Variants in PIEZO2 observed in about 807,000 individuals in gnomAD.
The protein encoded by PIEZO2 is piezo-type mechanosensitive ion channel component 2.
A neutral mutation model predicts 337.3 loss-of-function variants in PIEZO2; 172 were observed. That is an observed-to-expected ratio of 0.51 (90% CI 0.45 to 0.58). The LOEUF (loss-of-function observed/expected upper bound fraction) is 0.58, where lower values mean the gene tolerates loss of function less well. PIEZO2 is among the 20% of genes least tolerant of loss of function. PIEZO2 has a pLI of 0.00. For missense variants in PIEZO2, 3,028 were observed against 3,391.3 expected, an observed-to-expected ratio of 0.89 and a Z score of 2.66; for synonymous variants, 1,251 against 1,228.5, an observed-to-expected ratio of 1.02 and a Z score of -0.38.
At position 10,707,485 on chromosome 18, in the gene PIEZO2, T is replaced by C. The variant is rs886333104; in HGVS notation, c.5588+790A>G. Among the ~76,000 whole-genome samples, 3 of 152,070 alleles carry C rather than the reference T, an allele frequency of 2.0e-5. No homozygotes were observed. The highest frequency in any genetic ancestry group is 4.4e-5 in the Non-Finnish European group (3 of 68,016). On this transcript the variant is annotated intron_variant, in intron 40 of 55. Transcript: ENST00000674853. This position sits in a 1 kb window ranked among gnomAD's most constrained non-coding sequence, Gnocchi z 4.2. ...GAAGATGCCCTCTGACTTGCCACCATGAGCAGTCAAAACGAAACTTGTCTT... is the reference window on the plus strand; with the variant it reads ...GAAGATGCCCTCTGACTTGCCACCACGAGCAGTCAAAACGAAACTTGTCTT...
chr18:10,722,862 G>A (rs1434466146), intron 36 of PIEZO2, among the ~76,000 whole-genome samples: 2 of 151,876 alleles, frequency 1.3e-5, no homozygotes, highest in Non-Finnish European at 2.9e-5. Flanking sequence ...AAGAGGTCAG[G>A]AAGGTAAGAA....
rs1248425077 is a variant in PIEZO2 at position 10,726,043 on chromosome 18, G to C, written c.5029+5364C>G. Among the ~76,000 whole-genome samples the C allele has an allele frequency of 1.3e-5, 2 of 152,202 alleles. No homozygotes were observed. The highest frequency in any genetic ancestry group is 2.9e-5 in the Non-Finnish European group (2 of 68,036). ...ATAATATGGGCACCCAGGATGTTGG[G>C]CAGGGTGGTATATGTATTCTTGTGT... On this transcript the variant is annotated intron_variant, in intron 36 of 55. Transcript: ENST00000674853. This position sits in a 1 kb window ranked among gnomAD's most constrained non-coding sequence, Gnocchi z 5.9.
intron 11 of PIEZO2, among the ~76,000 whole-genome samples, chr18:10,799,045 C>G (rs977326751): frequency 2.0e-5 from 3 of 152,124 alleles, no homozygotes; most frequent in Admixed American, 2.0e-4. Flanking sequence ...TATGACTAAC[C>G]AGTTGTACAG....
chr18:11,139,056 C>T (rs2040566596), intron 1 of PIEZO2, among the ~76,000 whole-genome samples: 1 of 152,182 alleles, frequency 6.6e-6, no homozygotes, highest in Non-Finnish European at 1.5e-5. Context: ...TGCCTAACTT[C>T]TGTATCTGGA....
At chr18:10,735,402 G>C (rs2036956556) in intron 34 of PIEZO2, among the ~76,000 whole-genome samples, 72 bp from the exon 35 acceptor site, 2 of 152,122 alleles carry the variant, frequency 1.3e-5, no homozygotes, top group Admixed American at 6.5e-5. Context: ...TATGATGTCA[G>C]CATGAATTTG....
At chr18:11,020,963 A>C (rs2036289328) in intron 2 of PIEZO2, among the ~76,000 whole-genome samples, 1 of 152,224 alleles carries the variant, frequency 6.6e-6, no homozygotes, top group Non-Finnish European at 1.5e-5. Context: ...AGAAAGTGAA[A>C]GGTACAAAAA....
intron 4 of PIEZO2, among the ~76,000 whole-genome samples, chr18:10,876,808 C>T (rs962551680): frequency 6.6e-6 from 1 of 152,152 alleles, no homozygotes; most frequent in African/African-American, 2.4e-5. Flanking sequence ...TCCCCTTGCC[C>T]ATCATCCACC....
In PIEZO2 at chr18:10,672,901, T is replaced by A. The variant is rs761958837; in HGVS notation, c.8162-28A>T. On this transcript the variant is annotated intron_variant, in intron 54 of 55. Coordinates refer to ENST00000674853, the MANE Select transcript of PIEZO2 (RefSeq NM_001378183.1). This position sits in a 1 kb window ranked among gnomAD's most constrained non-coding sequence, Gnocchi z 4.7. ...AGAAGGGTAGAAATGCAAAATTAAGTTGACATGAGAATTTTAGGATTTCAT... is the reference window on the plus strand; with the variant it reads ...AGAAGGGTAGAAATGCAAAATTAAGATGACATGAGAATTTTAGGATTTCAT... The A allele has an allele frequency of 6.4e-7, 1 of 1,554,194 alleles. No homozygotes were observed. The highest frequency in any genetic ancestry group is 8.8e-7 in the Non-Finnish European group (1 of 1,140,556).
At chr18:10,730,033 TA>T (rs1306219609) in intron 36 of PIEZO2, among the ~76,000 whole-genome samples, 1 of 152,230 alleles carries the variant, frequency 6.6e-6, no homozygotes, top group Non-Finnish European at 1.5e-5. Context: ...TTTTTGTTAT[TA>T]ACAAATAGCA....
rs995447565 is a variant in PIEZO2, at chr18:10,742,521, G to T, written c.4609C>A (p.Gln1537Lys). 9 of 1,536,948 alleles carry T rather than the reference G, an allele frequency of 5.9e-6. No homozygotes were observed. In the African/African-American group the frequency reaches 1.2e-4, roughly 21 times the overall value. ...TQEPGEGQDM[Q>K]KLSEEDDERE... ...TCATCATCCTCTTCAGAGAGTTTTT[G>T]CATGTCCTGGCCTTCCCCTGGCTCC... Residue 1537 changes from glutamine to lysine, a missense_variant, in exon 32 of 56, where the codon CAA becomes AAA. Gln to Lys is a moderately conservative substitution (Grantham distance 53). This residue lies in a region of PIEZO2 where 1,925 missense variants were observed against 2,051.9 expected (regional missense o/e 0.94). Coordinates refer to ENST00000674853, the MANE Select transcript of PIEZO2 (RefSeq NM_001378183.1).
intron 3 of PIEZO2, among the ~76,000 whole-genome samples, chr18:10,920,387 A>C (rs1330976678): frequency 6.6e-6 from 1 of 152,166 alleles, no homozygotes; most frequent in Admixed American, 6.5e-5. Flanking sequence ...ACAGTTAGGG[A>C]CTGAAAATTC....
intron 1 of PIEZO2, among the ~76,000 whole-genome samples, chr18:11,133,808 GTA>G (rs145467043): frequency 1.3e-4 from 19 of 147,006 alleles, no homozygotes; most frequent in Non-Finnish European, 1.5e-4. Flanking sequence ...ATATATGTGT[GTA>G]TATATATATA....
chr18:10,949,955 C>A (rs1365331972), intron 3 of PIEZO2, among the ~76,000 whole-genome samples: 2 of 152,126 alleles, frequency 1.3e-5, no homozygotes, highest in Non-Finnish European at 2.9e-5. Flanking sequence ...TCAAATACTT[C>A]ACCAAAAAAC....
At position 10,855,218 on chromosome 18, in the gene PIEZO2, C is replaced by G. The variant is rs189810522; in HGVS notation, c.917+135G>C. On this transcript the variant is annotated intron_variant, in intron 7 of 55. Transcript: ENST00000674853. The surrounding 1 kb of genome is among the most constrained non-coding windows in gnomAD (Gnocchi z 4.9). The stretch of plus-strand genomic sequence containing the variant: ...GAAAGTGCTAGACTGCTTCACCCAC[C>G]CCCACAAAATCTTTGCTTAACACAG... 24 of 743,528 alleles carry G rather than the reference C, an allele frequency of 3.2e-5. No homozygotes were observed. The Admixed American group carries it at 5.8e-4, about 18-fold the overall frequency. The allele number at this position is 743,528 out of a possible 1,614,324, so 46.1% of individuals were successfully genotyped here. A position where few individuals can be genotyped will look rare whatever the true frequency, so the allele number is the denominator to read the frequency against.
In PIEZO2 at chr18:10,763,088, A is replaced by C; in HGVS notation, c.2957T>G (p.Phe986Cys). Residue 986 changes from phenylalanine (F) to cysteine (C), a missense_variant, in exon 22 of 56, where the codon TTC (phenylalanine) becomes TGC (cysteine). Phe to Cys is a radical substitution (Grantham distance 205). This residue lies in a region of PIEZO2 where 1,925 missense variants were observed against 2,051.9 expected (regional missense o/e 0.94). Transcript: ENST00000674853. Reference protein sequence around the residue: ...IWVSVKEVSLFNYVFLISWAF... With the variant: ...IWVSVKEVSLCNYVFLISWAF... ...CCAAGAAATCAAAAATACATAGTTG[A>C]ACAGAGACACCTGAAAACGTAAAAC... 1 of 1,536,870 alleles carries C rather than the reference A, an allele frequency of 6.5e-7. No homozygotes were observed. The highest frequency in any genetic ancestry group is 2.4e-5 in the East Asian group (1 of 40,918).
intron 3 of PIEZO2, among the ~76,000 whole-genome samples, chr18:10,977,057 C>A (rs2034473137): frequency 6.8e-6 from 1 of 147,780 alleles, no homozygotes; most frequent in African/African-American, 2.5e-5. Flanking sequence ...GCCTGTCTGT[C>A]TATACTCTGT....
intron 1 of PIEZO2, among the ~76,000 whole-genome samples, chr18:11,082,019 C>CA (rs1185854710): frequency 6.6e-6 from 1 of 152,140 alleles, no homozygotes; most frequent in East Asian, 1.9e-4. Context: ...CTCAGCCTCC[C>CA]AAAGTGCTGG....
chr18:10,985,069 A>AAAAGGGAT (rs1234224900), intron 2 of PIEZO2, among the ~76,000 whole-genome samples: 3 of 152,258 alleles, frequency 2.0e-5, no homozygotes, highest in East Asian at 3.9e-4. Flanking sequence ...GAACTGCCCT[A>AAAAGGGAT]TAAGAAACGC....
chr18:10,753,220 G>T (rs533739965), intron 27 of PIEZO2, among the ~76,000 whole-genome samples: 1 of 152,278 alleles, frequency 6.6e-6, no homozygotes, highest in East Asian at 1.9e-4. Context: ...TCTAAGATAC[G>T]GATGCCTTCT....
Sources: allele counts gnomAD v4.1 joint callset (sites outside exome capture counted in the v4.1 genomes callset), GRCh38; gene constraint gnomAD v4.1.1; regional missense constraint gnomAD v4.1.1; non-coding constraint Gnocchi (gnomAD v3.1); transcripts MANE v1.5; gene names NCBI Gene and HGNC (gene_info 2026-07-23, HGNC 2026-07-21).